The following PTOV1 variants were observed in gnomAD, a reference collection of about 807,000 sequenced individuals.
PTOV1 encodes the protein PTOV1 extended AT-hook containing adaptor protein.
A neutral mutation model predicts 58.0 loss-of-function variants in PTOV1; 20 were observed. That is an observed-to-expected ratio of 0.34 (90% CI 0.24 to 0.50). The LOEUF (loss-of-function observed/expected upper bound fraction) is 0.50, where lower values mean the gene tolerates loss of function less well. PTOV1 is among the 20% of genes least tolerant of loss of function. PTOV1 has a pLI of 0.98. For missense variants in PTOV1, 593 were observed against 565.4 expected (o/e 1.05, Z -0.50); for synonymous variants, 335 against 234.2 (o/e 1.43, Z -3.93).
intron 10 of PTOV1, 140 bp from the exon 11 acceptor site, chr19:49,859,846 A>G: frequency 3.4e-6 from 3 of 886,682 alleles, no homozygotes; most frequent in Non-Finnish European, 5.3e-6. Context: ...AAGGGGGCCC[A>G]CCTCCAGGGT....
At chr19:49,852,615 G>A (rs1371274328) in intron 1 of PTOV1, 1 of 152,164 alleles carries the variant, frequency 6.6e-6, no homozygotes, top group East Asian at 1.9e-4. Context: ...TCCTGCTGTG[G>A]AAGGTATCCC....
intron 9 of PTOV1, 79 bp from the exon 10 acceptor site, chr19:49,858,470 C>A: frequency 8.4e-7 from 1 of 1,197,572 alleles, no homozygotes; most frequent in Non-Finnish European, 1.2e-6. Flanking sequence ...GGTCCTGGGC[C>A]CGGGGGACTC....
exon 12 of PTOV1, chr19:49,860,594 C>G: frequency 1.9e-6 from 1 of 529,622 alleles, no homozygotes. Context: ...CAGCAGCCCC[C>G]ACTGCACCCC....
intron 6 of PTOV1, 126 bp downstream of exon 6, chr19:49,857,256 G>A (rs1600387024): frequency 7.4e-7 from 1 of 1,360,424 alleles, no homozygotes; most frequent in East Asian, 2.3e-5. Flanking sequence ...CTGCAGGGGA[G>A]CCCGGAGGAT....
At chr19:49,858,750 T>C in intron 10 of PTOV1, 97 bp downstream of exon 10, 1 of 1,042,312 alleles carries the variant, frequency 9.6e-7, no homozygotes, top group Non-Finnish European at 1.4e-6. Context: ...CAGAGCACCA[T>C]GTCCCAGACC....
intron 6 of PTOV1, chr19:49,857,407 G>T (rs1287268293): frequency 3.3e-6 from 2 of 607,508 alleles, no homozygotes; most frequent in Non-Finnish European, 5.8e-6. Context: ...CCTGCGGCTG[G>T]AAGGCCCTGC....
chr19:49,857,921 C>T (rs752842898), exon 8 of PTOV1: 5 of 1,613,750 alleles, frequency 3.1e-6, no homozygotes, highest in Non-Finnish European at 4.2e-6. Context: ...CTGAGCCCAA[C>T]AGTCGGTCCA....
Position 49,857,140 on chromosome 19 carries a change from C to G in PTOV1, c.714+10C>G. On this transcript the variant is annotated intron_variant, in intron 6 of 11. Coordinates refer to ENST00000391842, the Ensembl canonical transcript of PTOV1. The stretch of plus-strand genomic sequence containing the variant: ...CACCACCCGCAAGCAGGTGTGCCAG[C>G]CAAGCACAGCCCCTCTGGGGACAGA... 1 of 1,613,914 alleles carries G rather than the reference C, an allele frequency of 6.2e-7. No homozygotes were observed. The highest frequency in any genetic ancestry group is 8.5e-7 in the Non-Finnish European group (1 of 1,179,918).
chr19:49,851,796 G>A (rs2074261717), intron 1 of PTOV1: 1 of 1,037,784 alleles, frequency 9.6e-7, no homozygotes, highest in Non-Finnish European at 1.2e-6. Context: ...CAGACAGGCA[G>A]CCGGCACGCT....
At chr19:49,855,551 C>A in intron 5 of PTOV1, 1 of 188,732 alleles carries the variant, frequency 5.3e-6, no homozygotes, top group Non-Finnish European at 1.1e-5. Flanking sequence ...GAAGCAGGCG[C>A]GGTGAGTAGG....
chr19:49,857,293 A>G (rs1600387314), intron 6 of PTOV1, 163 bp downstream of exon 6: 2 of 1,034,094 alleles, frequency 1.9e-6, no homozygotes, highest in Non-Finnish European at 1.4e-6. Flanking sequence ...CCAGGGCTCC[A>G]TGGAAAAGCG....
rs142303278 is a variant in PTOV1, at chr19:49,855,040, C to T, written c.521C>T (p.Ser174Leu). 1.0e-5 allele frequency: 16 copies of T among 1,599,206 alleles called. No individual in the cohort carries two copies. Among genetic ancestry groups the T allele is most frequent in the East Asian group, 6.8e-5 (3 of 44,050 alleles). Residue 174 changes from serine (S) to leucine (L), a missense_variant, in exon 5 of 12, where the codon TCG (serine) becomes TTG (leucine). Ser to Leu is a moderately radical substitution (Grantham distance 145). Coordinates refer to ENST00000391842, the Ensembl canonical transcript of PTOV1. ...CACTTCACCAACAGAGACTGCGACTCGCTCAAGGGGCTCTGCCGCATCATG... is the reference window on the plus strand; with the variant it reads ...CACTTCACCAACAGAGACTGCGACTTGCTCAAGGGGCTCTGCCGCATCATG...
exon 5 of PTOV1, chr19:49,855,071 C>T (rs201777201): frequency 3.3e-5 from 52 of 1,590,428 alleles, no homozygotes; most frequent in South Asian, 2.6e-4. Flanking sequence ...TCATGGGCAA[C>T]GGCTTCGTGA....
chr19:49,858,007 C>T lies in PTOV1; in HGVS notation c.878+30C>T, dbSNP rs555502907. ...GTGCTGGGCTGGGGGGTGGAGGCAG[C>T]ATCCAGGGGAGCTGGGGCTTCCTGA... On this transcript the variant is annotated intron_variant, in intron 8 of 11. Transcript: ENST00000391842. 10 of 1,612,806 alleles carry T rather than the reference C, an allele frequency of 6.2e-6. No homozygotes were observed. The East Asian group carries it at 1.8e-4, about 29-fold the overall frequency.
At chr19:49,850,966 C>T (rs1292349520), upstream of PTOV1, 8 of 1,535,588 alleles carry the variant, frequency 5.2e-6, no homozygotes, top group Non-Finnish European at 7.0e-6. Flanking sequence ...GTAGGGGCTC[C>T]CGTTCCCGCC....
intron 6 of PTOV1, 152 bp downstream of exon 6, chr19:49,857,282 AC>A: frequency 8.9e-7 from 1 of 1,119,584 alleles, no homozygotes; most frequent in Non-Finnish European, 1.3e-6. Flanking sequence ...GCGGGTTCCC[AC>A]CAGGGCTCCA....
intron 9 of PTOV1, 81 bp downstream of exon 9, chr19:49,858,195 C>T: frequency 1.3e-6 from 2 of 1,515,326 alleles, no homozygotes; most frequent in African/African-American, 1.4e-5. Context: ...AGCGCCTCCC[C>T]AGGTGGCCTG....
At chr19:49,850,850 G>C (rs1270519450), upstream of PTOV1, 4 of 1,535,084 alleles carry the variant, frequency 2.6e-6, no homozygotes, top group Non-Finnish European at 3.5e-6. Flanking sequence ...TTTTGGCGCG[G>C]TCTCCTGGCT....
exon 3 of PTOV1, chr19:49,854,731 A>G: frequency 6.2e-7 from 1 of 1,613,438 alleles, no homozygotes; most frequent in Non-Finnish European, 8.5e-7. Flanking sequence ...CAAGGCGAGA[A>G]CCTGTGAGTG....
Sources: gnomAD v4.1 joint callset for allele counts on GRCh38, gnomAD v4.1.1 for gene constraint, MANE v1.5 for transcripts, NCBI Gene and HGNC (gene_info 2026-07-23, HGNC 2026-07-21) for gene names.